Variants in CDH12 observed in about 807,000 individuals in gnomAD.
CDH12 encodes cadherin-12.
A neutral mutation model predicts 74.1 loss-of-function variants in CDH12; 41 were observed. The observed-to-expected ratio is 0.55, with a 90% confidence interval of 0.43 to 0.72. CDH12 has a LOEUF of 0.72. Among genes scored for constraint, CDH12 ranks in the 30% least tolerant of loss-of-function variants. CDH12 has a pLI of 0.00. For synonymous variants in CDH12, 399 were observed against 355.0 expected (o/e 1.12, Z -1.39); for missense variants, 945 against 977.2 (o/e 0.97, Z 0.44).
chr5:22,837,934 C>T lies in CDH12; in HGVS notation c.-523+15124G>A, dbSNP rs116289011. ...TGTCCTATATATCAATTTGGTGAAA[C>T]GGGTAGCATACTTCACAGATTCCTC... is the stretch of plus-strand genomic sequence containing the variant. On this transcript the variant is annotated intron_variant, in intron 1 of 14. Transcript: ENST00000382254. Among the ~76,000 whole-genome samples, 367 of 152,214 alleles carry T rather than the reference C, an allele frequency of 2.4e-3. 2 individuals are homozygous for T. The highest frequency in any genetic ancestry group is 8.4e-3 in the African/African-American group (350 of 41,536).
At chr5:22,808,762 G>GTTT (rs70959757) in intron 1 of CDH12, among the ~76,000 whole-genome samples, 4 of 41,730 alleles carry the variant, frequency 9.6e-5, no homozygotes, top group East Asian at 8.0e-4. Flanking sequence ...ACCACACCTG[G>GTTT]TTTTTTTTTT....
chr5:22,808,710 A>G (rs1428742781), intron 1 of CDH12, among the ~76,000 whole-genome samples: 1 of 145,268 alleles, frequency 6.9e-6, no homozygotes, highest in Non-Finnish European at 1.5e-5. Flanking sequence ...GTTCAAGCGA[A>G]TCTCCTGCCT....
chr5:22,420,653 A>G (rs2126495100), intron 2 of CDH12, among the ~76,000 whole-genome samples: 1 of 152,180 alleles, frequency 6.6e-6, no homozygotes, highest in African/African-American at 2.4e-5. Context: ...TCGGCTATAC[A>G]GGCTGATTTT....
intron 4 of CDH12, among the ~76,000 whole-genome samples, chr5:22,200,362 C>T (rs987687929): frequency 1.3e-5 from 2 of 152,046 alleles, no homozygotes; most frequent in Non-Finnish European, 1.5e-5. Flanking sequence ...TTATGAAATA[C>T]AAAGCTATAA....
At chr5:22,681,289 T>A (rs1741480722) in intron 1 of CDH12, among the ~76,000 whole-genome samples, 1 of 150,912 alleles carries the variant, frequency 6.6e-6, no homozygotes, top group Non-Finnish European at 1.5e-5. Flanking sequence ...CAGGAGCAGT[T>A]TTTTTTTCTA....
At chr5:22,406,621 C>A (rs1742950972) in intron 2 of CDH12, among the ~76,000 whole-genome samples, 1 of 151,940 alleles carries the variant, frequency 6.6e-6, no homozygotes, top group African/African-American at 2.4e-5. Context: ...TTTTGAAAAG[C>A]CAATTACATG....
intron 5 of CDH12, among the ~76,000 whole-genome samples, chr5:22,059,884 G>C (rs895372371): frequency 6.6e-6 from 1 of 151,996 alleles, no homozygotes; most frequent in African/African-American, 2.4e-5. Flanking sequence ...ATTTTAGAGA[G>C]GTTTATGCCA....
intron 1 of CDH12, chr5:22,580,157 GA>G (rs1172510899): frequency 3.6e-6 from 1 of 277,004 alleles, no homozygotes; most frequent in Non-Finnish European, 7.2e-6. Flanking sequence ...TACTGACAAG[GA>G]AGAGGATCCA....
intron 1 of CDH12, among the ~76,000 whole-genome samples, chr5:22,789,569 A>T (rs996831014): frequency 2.2e-4 from 34 of 152,064 alleles, no homozygotes; most frequent in Admixed American, 5.9e-4. Flanking sequence ...GAACAAAGGA[A>T]CTTATTGAAT....
chr5:21,756,934 T>G (rs1744430601), intron 13 of CDH12, among the ~76,000 whole-genome samples: 1 of 152,098 alleles, frequency 6.6e-6, no homozygotes, highest in South Asian at 2.1e-4. Flanking sequence ...TGGGATATGA[T>G]TAGGGATGAA....
At chr5:22,466,016 G>A (rs2126595053) in intron 2 of CDH12, among the ~76,000 whole-genome samples, 1 of 152,240 alleles carries the variant, frequency 6.6e-6, no homozygotes, top group South Asian at 2.1e-4. Flanking sequence ...TGGGTTACAG[G>A]ATCTCAATAA....
At chr5:21,896,529 A>G (rs1337217387) in intron 6 of CDH12, among the ~76,000 whole-genome samples, 2 of 152,180 alleles carry the variant, frequency 1.3e-5, no homozygotes, top group African/African-American at 4.8e-5. Flanking sequence ...CCATTGAAAT[A>G]CCAGATTGTT....
At chr5:22,078,915 A>T in intron 4 of CDH12, 53 bp from the exon 5 acceptor site, 1 of 950,884 alleles carries the variant, frequency 1.1e-6, no homozygotes, top group Non-Finnish European at 1.4e-6. Context: ...GCATGATGAT[A>T]TTCATCACAA....
chr5:22,347,433 A>T (rs1372746263), intron 3 of CDH12, among the ~76,000 whole-genome samples: 1 of 152,166 alleles, frequency 6.6e-6, no homozygotes, highest in African/African-American at 2.4e-5. Context: ...GACCTACACC[A>T]GCGGTTTGTC....
intron 2 of CDH12, among the ~76,000 whole-genome samples, chr5:22,503,280 C>A (rs1177488291): frequency 6.6e-6 from 1 of 151,920 alleles, no homozygotes; most frequent in Non-Finnish European, 1.5e-5. Flanking sequence ...AGAAATAATA[C>A]ACTGCCCTAT....
chr5:22,118,260 A>G (rs918038825), intron 4 of CDH12, among the ~76,000 whole-genome samples: 1 of 152,156 alleles, frequency 6.6e-6, no homozygotes, highest in African/African-American at 2.4e-5. Context: ...TAGCTGCACA[A>G]TCTGGAAGCC....
chr5:22,376,014 G>GT (rs1463698383), intron 3 of CDH12, among the ~76,000 whole-genome samples: 1 of 152,174 alleles, frequency 6.6e-6, no homozygotes, highest in African/African-American at 2.4e-5. Flanking sequence ...GCACTTGCAT[G>GT]TTTATTGTGG....
At chr5:21,974,668 C>T (rs980805315) in intron 6 of CDH12, among the ~76,000 whole-genome samples, 8 of 152,104 alleles carry the variant, frequency 5.3e-5, no homozygotes, top group African/African-American at 9.7e-5. Context: ...CACCTGTTTC[C>T]GGACCACTTC....
intron 4 of CDH12, among the ~76,000 whole-genome samples, chr5:22,088,971 G>A (rs748545011): frequency 4.7e-4 from 71 of 152,130 alleles, no homozygotes; most frequent in Non-Finnish European, 9.1e-4. Context: ...ACCAAATACT[G>A]ACTGAACAAC....
Sources: gnomAD v4.1 joint callset for allele counts (sites outside exome capture counted in the v4.1 genomes callset) on GRCh38, gnomAD v4.1.1 for gene constraint, MANE v1.5 for transcripts, NCBI Gene and HGNC (gene_info 2026-07-23, HGNC 2026-07-21) for gene names.